The following ZNF674 variants were observed in gnomAD, a reference collection of about 807,000 sequenced individuals.
ZNF674 encodes zinc finger family member 674.
A neutral mutation model predicts 7.0 loss-of-function variants in ZNF674; 2 were observed. The observed-to-expected ratio is 0.29, with a 90% CI of 0.12 to 0.90. ZNF674 has a LOEUF of 0.90. Ranked by LOEUF, ZNF674 falls within the 40% of genes least tolerant of loss-of-function variation. The pLI is 0.57. For missense variants in ZNF674, 297 were observed against 415.5 expected (o/e 0.71, Z 2.48); for synonymous variants, 103 against 145.2 (o/e 0.71, Z 2.09).
At position 46,504,742 on chromosome X, in the gene ZNF674, A is replaced by G. The variant is rs985851693; in HGVS notation, c.239-3407T>C. Among the ~76,000 whole-genome samples the G allele has an allele frequency of 6.3e-5, 7 of 111,341 alleles. No homozygotes were observed. In the Admixed American group the frequency reaches 6.7e-4, roughly 11 times the overall value. ...ATATGTAGCAAAAGTATAAAAACAT[A>G]GTTTAGAAGGATACTCACAAAATTC... is the stretch of plus-strand genomic sequence containing the variant. On this transcript the variant is annotated intron_variant, in intron 5 of 5. Coordinates refer to ENST00000683375, the MANE Select transcript of ZNF674 (RefSeq NM_001190417.2).
At chrX:46,502,773 G>A (rs981057844) in intron 5 of ZNF674, among the ~76,000 whole-genome samples, 1 of 112,185 alleles carries the variant, frequency 8.9e-6, no homozygotes, top group African/African-American at 3.2e-5. Flanking sequence ...ATGACAGGCA[G>A]ACAGCATAAG....
At chrX:46,541,669 TG>T (rs1485177997) in intron 3 of ZNF674, among the ~76,000 whole-genome samples, 2 of 112,158 alleles carry the variant, frequency 1.8e-5, no homozygotes. Flanking sequence ...AACGTGGTAC[TG>T]GGGGGAGAAG....
At chrX:46,519,297 A>AGATAGAT (rs1941859795) in intron 5 of ZNF674, among the ~76,000 whole-genome samples, 1 of 106,629 alleles carries the variant, frequency 9.4e-6, no homozygotes, top group African/African-American at 3.4e-5. Context: ...ATAGATAGAT[A>AGATAGAT]GATAGATAGA....
At chrX:46,535,623 CAT>C (rs1942187136) in intron 3 of ZNF674, among the ~76,000 whole-genome samples, 1 of 111,958 alleles carries the variant, frequency 8.9e-6, no homozygotes, top group African/African-American at 3.2e-5. Context: ...GTATCCCTTT[CAT>C]AGTCTTAAAA....
rs1174486779 is a variant in ZNF674 at position 46,500,627 on chromosome X, TA to T, written c.946del (p.Tyr316IlefsTer164). 8.3e-7 allele frequency: 1 copy of T among 1,210,893 alleles called. No homozygotes were observed. Among genetic ancestry groups the T allele is most frequent in the Admixed American group, 2.2e-5 (1 of 46,027 alleles). ...TGTTTTTTCATGTCTAATAAGATGATATGAACTCTTAAAGGCTTTTGGACAT... is the reference window on the plus strand; with the variant it reads ...TGTTTTTTCATGTCTAATAAGATGATTGAACTCTTAAAGGCTTTTGGACAT... ...DKCPKAFKSS[Y>X]HLIRHEKTHI... On this transcript the variant is annotated frameshift_variant, in exon 6 of 6. Transcript: ENST00000683375. LOFTEE classifies it low-confidence loss of function (END_TRUNC).
At position 46,500,385 on chromosome X, in the gene ZNF674, CAG is replaced by C. The variant is rs752856034; in HGVS notation, c.1187_1188del (p.Ser396CysfsTer13). The C allele has an allele frequency of 2.6e-5, 31 of 1,210,398 alleles. No homozygotes were observed. The South Asian group carries it at 3.2e-4, about 12-fold the overall frequency. On this transcript the variant is annotated frameshift_variant, in exon 6 of 6. Coordinates refer to ENST00000683375, the MANE Select transcript of ZNF674 (RefSeq NM_001190417.2). LOFTEE classifies it low-confidence loss of function (END_TRUNC). ...GKSFRGKSHL[S>X]VHQRIHTGEK... ...TCTCCTGTATGAATTCTCTGATGAA[CAG>C]AGAGGTGTGACTTTCCTCTGAAGCT...
intron 3 of ZNF674, among the ~76,000 whole-genome samples, chrX:46,541,361 C>CAAAAAA (rs34440167): frequency 5.5e-5 from 3 of 54,667 alleles, no homozygotes; most frequent in African/African-American, 7.1e-5. Flanking sequence ...AACTCCGTCA[C>CAAAAAA]AAAAAAAAAA....
At chrX:46,504,595 G>A (rs1055149418) in intron 5 of ZNF674, among the ~76,000 whole-genome samples, 1 of 111,232 alleles carries the variant, frequency 9.0e-6, no homozygotes, top group African/African-American at 3.3e-5. Context: ...CACCCGCCTC[G>A]GCCCCGCAAA....
At chrX:46,513,777 G>C (rs1484776148) in intron 5 of ZNF674, among the ~76,000 whole-genome samples, 1 of 111,670 alleles carries the variant, frequency 9.0e-6, no homozygotes, top group African/African-American at 3.3e-5. Context: ...AAAAGCATAA[G>C]AGTGTTGGCC....
chrX:46,521,204 CAA>C (rs1187228041), intron 5 of ZNF674, among the ~76,000 whole-genome samples: 17 of 40,692 alleles, frequency 4.2e-4, no homozygotes, highest in Admixed American at 6.3e-4. Context: ...GACTCTATCT[CAA>C]AAAAAAAAAA....
Position 46,528,443 on chromosome X carries a change from G to A in ZNF674, c.145C>T (p.His49Tyr), listed in dbSNP as rs1161502382. 8.3e-7 allele frequency: 1 copy of A among 1,207,419 alleles called. No individual in the cohort carries two copies. Among genetic ancestry groups the A allele is most frequent in the Admixed American group, 2.2e-5 (1 of 45,986 alleles). The part of the protein sequence containing the change: ...ENYSHLVSVG[H>Y]LVGKPDVIFR... ...ATCACATCTGGCTTCCCAACTAGATGCCCTGTTTAGGGGACATGACATAGG... is the reference window on the plus strand; with the variant it reads ...ATCACATCTGGCTTCCCAACTAGATACCCTGTTTAGGGGACATGACATAGG... The change falls in exon 5 of 6, where the codon CAT (histidine) becomes TAT (tyrosine). Residue 49 changes from histidine to tyrosine, a missense_variant and splice_region_variant. His to Tyr is a moderately conservative substitution (Grantham distance 83). Coordinates refer to ENST00000683375, the MANE Select transcript of ZNF674 (RefSeq NM_001190417.2).
chrX:46,500,284 A>G lies in ZNF674; in HGVS notation c.1290T>C (p.His430=), dbSNP rs1264268475. The change falls in exon 6 of 6, where the codon CAT becomes CAC. Residue 430 remains histidine, a synonymous_variant. Coordinates refer to ENST00000683375, the MANE Select transcript of ZNF674 (RefSeq NM_001190417.2). ...TGCATTCATAAGGTTTCTCTCCTGT[A>G]TGAGTTCTATGATGGACAGAGAGGT... is the stretch of plus-strand genomic sequence containing the variant. ...KSHLSVHHRT[H]TGEKPYECRR... is the part of the protein sequence containing the mutation. The G allele has an allele frequency of 8.3e-7, 1 of 1,210,430 alleles. No individual in the cohort carries two copies. Among genetic ancestry groups the G allele is most frequent in the Non-Finnish European group, 1.1e-6 (1 of 894,448 alleles).
intron 5 of ZNF674, chrX:46,527,780 A>C (rs1942034341): frequency 8.8e-6 from 1 of 114,152 alleles, no homozygotes; most frequent in Non-Finnish European, 1.8e-5. Context: ...TTACCACAAA[A>C]TAAGAGCAGG....
At chrX:46,519,272 ATGAT>A (rs1941854815) in intron 5 of ZNF674, among the ~76,000 whole-genome samples, 5 of 64,290 alleles carry the variant, frequency 7.8e-5, no homozygotes, top group East Asian at 4.8e-4. Flanking sequence ...ATAAAGATAG[ATGAT>A]AGATAGATAG....
chrX:46,518,879 A>C (rs2146601079), intron 5 of ZNF674, among the ~76,000 whole-genome samples: 1 of 101,256 alleles, frequency 9.9e-6, no homozygotes, highest in South Asian at 4.8e-4. Context: ...TGACAGAGCG[A>C]GACTCCGTCT....
intron 5 of ZNF674, among the ~76,000 whole-genome samples, chrX:46,515,733 T>C (rs1037039655): frequency 2.7e-5 from 3 of 111,485 alleles, no homozygotes; most frequent in African/African-American, 9.8e-5. Context: ...CTTAGCTTCC[T>C]GAGTAGCTAC....
chrX:46,510,746 G>A (rs970484589), intron 5 of ZNF674, among the ~76,000 whole-genome samples: 15 of 112,482 alleles, frequency 1.3e-4, no homozygotes, highest in African/African-American at 4.5e-4. Context: ...AGCCGAGATC[G>A]TGCCATTGCA....
chrX:46,517,164 A>G (rs1246336753), intron 5 of ZNF674, among the ~76,000 whole-genome samples: 1 of 111,818 alleles, frequency 8.9e-6, no homozygotes, highest in Non-Finnish European at 1.9e-5. Context: ...GAAATAACCT[A>G]GGTGCTGGAA....
intron 5 of ZNF674, among the ~76,000 whole-genome samples, chrX:46,519,273 T>TAAA (rs780507155): frequency 1.3e-3 from 97 of 74,985 alleles, no homozygotes; most frequent in Non-Finnish European, 1.9e-3. Context: ...TAAAGATAGA[T>TAAA]GATAGATAGA....
Sources: allele counts gnomAD v4.1 joint callset (sites outside exome capture counted in the v4.1 genomes callset), GRCh38; gene constraint gnomAD v4.1.1; transcripts MANE v1.5; gene names NCBI Gene and HGNC (gene_info 2026-07-23, HGNC 2026-07-21).